The following SAMD8 variants were observed in gnomAD, a reference collection of about 807,000 sequenced individuals.
SAMD8 encodes the protein sterile alpha motif domain containing 8, also known as sphingomyelin synthase-related protein 1.
In SAMD8, 20 loss-of-function variants were observed where a neutral mutation model predicts 42.0. The observed-to-expected ratio is 0.48, with a 90% CI of 0.34 to 0.69. The LOEUF (loss-of-function observed/expected upper bound fraction) is 0.69, where lower values mean the gene tolerates loss of function less well. Ranked by LOEUF, SAMD8 falls within the 30% of genes least tolerant of loss-of-function variation. SAMD8 has a pLI of 0.01. For missense variants in SAMD8, 328 were observed against 511.6 expected, an observed-to-expected ratio of 0.64 and a Z score of 3.46; for synonymous variants, 162 against 173.0, an observed-to-expected ratio of 0.94 and a Z score of 0.50.
At position 75,164,401 on chromosome 10, in the gene SAMD8, T is replaced by C. The variant is rs75853015; in HGVS notation, c.579-244T>C. ...GTTGCCACTTCTTTTTTTTTTTTTT[T>C]CCTCTGGTATTTGCTGTCAGAGAAC... is the stretch of plus-strand genomic sequence containing the variant. On this transcript the variant is annotated intron_variant, in intron 2 of 5. Transcript: ENST00000542569. 2.2e-3 allele frequency: 993 copies of C among 453,706 alleles called. 4 individuals carry two copies. The highest frequency in any genetic ancestry group is 0.018 in the African/African-American group (830 of 46,684). 28.1% of individuals were successfully genotyped at this position (453,706 alleles called of 1,614,324 possible). A position where few individuals can be genotyped will look rare whatever the true frequency, so the allele number is the denominator to read the frequency against.
chr10:75,159,136 G>A (rs1035862435), intron 2 of SAMD8, among the ~76,000 whole-genome samples: 9 of 141,798 alleles, frequency 6.3e-5, no homozygotes, highest in South Asian at 2.2e-4. Flanking sequence ...TCAACTCACC[G>A]CAACCTCCAT....
intron 1 of SAMD8, among the ~76,000 whole-genome samples, chr10:75,135,067 A>G (rs1849359440): frequency 1.3e-5 from 2 of 152,144 alleles, no homozygotes; most frequent in East Asian, 3.9e-4. Context: ...TCTCTAGAAA[A>G]AAACAAAAAA....
chr10:75,165,392 C>G (rs542530548), intron 3 of SAMD8, among the ~76,000 whole-genome samples: 3 of 147,268 alleles, frequency 2.0e-5, no homozygotes, highest in African/African-American at 5.0e-5. Context: ...GATTATTGGC[C>G]GGGCACGGTG....
At chr10:75,101,006 C>T (rs1223196593) in intron 1 of SAMD8, among the ~76,000 whole-genome samples, 2 of 152,262 alleles carry the variant, frequency 1.3e-5, no homozygotes, top group African/African-American at 4.8e-5. Context: ...TCCTTTCTGA[C>T]TCCACTCCAG....
intron 1 of SAMD8, among the ~76,000 whole-genome samples, chr10:75,129,290 G>A (rs1433958996): frequency 6.6e-6 from 1 of 152,028 alleles, no homozygotes; most frequent in Admixed American, 6.6e-5. Context: ...CACCAGGCTG[G>A]AGTGCAGTGG....
intron 4 of SAMD8, among the ~76,000 whole-genome samples, chr10:75,169,485 A>C (rs531839137): frequency 9.6e-6 from 1 of 104,108 alleles, no homozygotes; most frequent in South Asian, 2.8e-4. Context: ...CTGTCTCAAA[A>C]ACAAAGAAAG....
intron 1 of SAMD8, among the ~76,000 whole-genome samples, chr10:75,146,771 A>G (rs139354209): frequency 6.6e-6 from 1 of 152,322 alleles, no homozygotes; most frequent in East Asian, 1.9e-4. Context: ...TATTTTATCA[A>G]TTTGTATTTA....
At chr10:75,170,641 T>C (rs1840829684) in intron 4 of SAMD8, among the ~76,000 whole-genome samples, 1 of 151,676 alleles carries the variant, frequency 6.6e-6, no homozygotes, top group African/African-American at 2.4e-5. Context: ...TAGAAATGTA[T>C]ATATTAAAAA....
chr10:75,145,562 C>T (rs1363437994), intron 1 of SAMD8, among the ~76,000 whole-genome samples: 2 of 152,134 alleles, frequency 1.3e-5, no homozygotes, highest in African/African-American at 4.8e-5. Context: ...CCTTTTGAGT[C>T]TTCCTTTTAA....
intron 1 of SAMD8, among the ~76,000 whole-genome samples, chr10:75,128,112 A>C (rs1849187665): frequency 7.6e-6 from 1 of 131,138 alleles, no homozygotes; most frequent in African/African-American, 3.0e-5. Flanking sequence ...AGTCGCTGTC[A>C]CCTAGGCTGG....
At chr10:75,120,234 C>T (rs1249581412) in intron 1 of SAMD8, among the ~76,000 whole-genome samples, 1 of 152,136 alleles carries the variant, frequency 6.6e-6, no homozygotes, top group Non-Finnish European at 1.5e-5. Context: ...CAGGTATCAA[C>T]AGTAATCAGT....
intron 1 of SAMD8, among the ~76,000 whole-genome samples, chr10:75,130,957 T>G (rs1485379628): frequency 6.6e-6 from 1 of 152,218 alleles, no homozygotes; most frequent in Non-Finnish European, 1.5e-5. Context: ...CTGCTGCTGT[T>G]ATTGTTTTAT....
chr10:75,164,429 T>A, intron 2 of SAMD8: 17 of 676,480 alleles, frequency 2.5e-5, no homozygotes, highest in Non-Finnish European at 2.9e-5. Flanking sequence ...CAGAGAACCC[T>A]AACTGGGAAT....
chr10:75,111,896 A>C, intron 1 of SAMD8, 174 bp downstream of exon 1: 1 of 802,020 alleles, frequency 1.2e-6, no homozygotes, highest in Non-Finnish European at 1.7e-6. Context: ...TCTGAAGCAA[A>C]TGGAGGTTGT....
At chr10:75,162,378 C>T (rs936351260) in intron 2 of SAMD8, among the ~76,000 whole-genome samples, 2 of 151,088 alleles carry the variant, frequency 1.3e-5, no homozygotes, top group South Asian at 2.1e-4. Flanking sequence ...AGGCTGGGCA[C>T]GTGGCTCACG....
At chr10:75,150,399 A>G (rs866650114) in intron 1 of SAMD8, 115 bp from the exon 2 acceptor site, 45 of 1,452,326 alleles carry the variant, frequency 3.1e-5, no homozygotes, top group Middle Eastern at 2.0e-4. Flanking sequence ...TGGGGATTGT[A>G]GGCATGAGCC....
At chr10:75,107,603 G>C (rs1848593503), upstream of SAMD8, among the ~76,000 whole-genome samples, 1 of 152,026 alleles carries the variant, frequency 6.6e-6, no homozygotes, top group South Asian at 2.1e-4. Context: ...GGGGGATGGA[G>C]TTTCGCCCTT....
intron 4 of SAMD8, among the ~76,000 whole-genome samples, chr10:75,170,800 G>A (rs1316776196): frequency 7.6e-6 from 1 of 131,442 alleles, no homozygotes; most frequent in African/African-American, 2.9e-5. Flanking sequence ...TTGAGGTGGA[G>A]TCTTTCCCAG....
At chr10:75,152,183 A>C (rs1177311830) in intron 2 of SAMD8, among the ~76,000 whole-genome samples, 1 of 152,094 alleles carries the variant, frequency 6.6e-6, no homozygotes, top group Non-Finnish European at 1.5e-5. Context: ...CTGTTTTATT[A>C]AATATTGAAT....
Sources: allele counts gnomAD v4.1 joint callset (sites outside exome capture counted in the v4.1 genomes callset), GRCh38; gene constraint gnomAD v4.1.1; transcripts MANE v1.5; gene names NCBI Gene and HGNC (gene_info 2026-07-23, HGNC 2026-07-21).